Variants in TSPAN15 observed in about 807,000 individuals in gnomAD.
The protein encoded by TSPAN15 is tetraspanin-15.
A neutral mutation model predicts 34.5 loss-of-function variants in TSPAN15; 20 were observed. That is an observed-to-expected ratio of 0.58 (90% CI 0.41 to 0.84). TSPAN15 has a LOEUF of 0.84. Ranked by LOEUF, TSPAN15 falls within the 40% of genes least tolerant of loss-of-function variation. TSPAN15 has a pLI of 0.00. For missense variants in TSPAN15, 313 were observed against 386.1 expected (o/e 0.81, Z 1.59); for synonymous variants, 155 against 153.9 (o/e 1.01, Z -0.05).
At chr10:69,456,760 C>T (rs543478191) in intron 1 of TSPAN15, among the ~76,000 whole-genome samples, 10 of 152,274 alleles carry the variant, frequency 6.6e-5, no homozygotes, top group African/African-American at 9.6e-5. Context: ...TTGATGCAAT[C>T]GGAGGGGTCG....
chr10:69,515,410 A>C, the TSPAN15 span, among the ~76,000 whole-genome samples: 3 of 151,088 alleles, frequency 2.0e-5, no homozygotes, highest in Non-Finnish European at 4.4e-5. Context: ...CTGTCCTCTC[A>C]CAGGAAGATC....
chr10:69,526,132 T>C, the TSPAN15 span, among the ~76,000 whole-genome samples: 1 of 147,230 alleles, frequency 6.8e-6, no homozygotes, highest in African/African-American at 2.5e-5. Flanking sequence ...AGAAGAGATA[T>C]GATATAACCA....
chr10:69,506,342 A>C lies in TSPAN15; in HGVS notation c.735+102A>C. On this transcript the variant is annotated intron_variant, in intron 7 of 7. Transcript: ENST00000373290. The surrounding 1 kb of genome is among the most constrained non-coding windows in gnomAD (Gnocchi z 4.7). ...GAAGAGGCTTTTTTCATAGAAGTCC[A>C]GGACTTGCCTGGGGAGGGCTGCATG... is the stretch of plus-strand genomic sequence containing the variant. 8.7e-7 allele frequency: 1 copy of C among 1,146,522 alleles called. No homozygotes were observed. Among genetic ancestry groups the C allele is most frequent in the East Asian group, 2.4e-5 (1 of 41,372 alleles). 71.0% of individuals were successfully genotyped at this position (1,146,522 alleles called of 1,614,324 possible). A position where few individuals can be genotyped will look rare whatever the true frequency, so the allele number is the denominator to read the frequency against.
intron 1 of TSPAN15, among the ~76,000 whole-genome samples, chr10:69,465,802 G>A (rs1182270446): frequency 6.6e-6 from 1 of 152,206 alleles, no homozygotes; most frequent in Admixed American, 6.5e-5. Context: ...GGGATGGGTG[G>A]TTTGGTCATT....
chr10:69,538,925 A>G, the TSPAN15 span, among the ~76,000 whole-genome samples: 1 of 152,212 alleles, frequency 6.6e-6, no homozygotes, highest in Non-Finnish European at 1.5e-5. Flanking sequence ...AGGACTAGTC[A>G]GAGAGAGTGT....
chr10:69,469,593 T>C (rs1228559223), intron 1 of TSPAN15, among the ~76,000 whole-genome samples: 1 of 152,174 alleles, frequency 6.6e-6, no homozygotes, highest in African/African-American at 2.4e-5. Flanking sequence ...TCCTCCCACC[T>C]TAGCCTCCCA....
rs749636233 is a variant in TSPAN15 at position 69,498,375 on chromosome 10, C to T, written c.549C>T (p.Tyr183=). 2.5e-6 allele frequency: 4 copies of T among 1,613,994 alleles called. No homozygotes were observed. The highest frequency in any genetic ancestry group is 3.4e-6 in the Non-Finnish European group (4 of 1,179,958). The change falls in exon 5 of 8, where the codon TAC becomes TAT. Residue 183 remains tyrosine (Y), a synonymous_variant. Transcript: ENST00000373290. ...APGPLACGVP[Y]TCCIRNTTEV... is the part of the protein sequence containing the mutation. Reference sequence around the variant, plus strand: ...GACCCCTGGCCTGTGGGGTGCCCTACACCTGCTGCATCAGGAACACGGTAG... The same window carrying T: ...GACCCCTGGCCTGTGGGGTGCCCTATACCTGCTGCATCAGGAACACGGTAG...
chr10:69,520,066 C>T, the TSPAN15 span, among the ~76,000 whole-genome samples: 1 of 152,162 alleles, frequency 6.6e-6, no homozygotes, highest in African/African-American at 2.4e-5. Context: ...CAGTCCAGTG[C>T]CATTAAATAT....
chr10:69,495,297 C>T (rs576105071), intron 3 of TSPAN15: 27 of 314,346 alleles, frequency 8.6e-5, no homozygotes, highest in Admixed American at 1.4e-4. Context: ...TCCCCAAGCA[C>T]GGCCCCAGCC....
At chr10:69,467,146 C>A (rs1841401727) in intron 1 of TSPAN15, among the ~76,000 whole-genome samples, 1 of 152,156 alleles carries the variant, frequency 6.6e-6, no homozygotes, top group Non-Finnish European at 1.5e-5. Flanking sequence ...TGACAAGAGA[C>A]CCTCCTTCTC....
chr10:69,463,390 CAG>C lies in TSPAN15; in HGVS notation c.96+11701_96+11702del, dbSNP rs979249835. Among the ~76,000 whole-genome samples the C allele has an allele frequency of 1.2e-4, 18 of 152,228 alleles. 1 individual carries two copies. Among genetic ancestry groups the C allele is most frequent in the African/African-American group, 3.9e-4 (16 of 41,530 alleles). On this transcript the variant is annotated intron_variant, in intron 1 of 7. Coordinates refer to ENST00000373290, the MANE Select transcript of TSPAN15 (RefSeq NM_012339.5). ...TCACAGATGGTGAAAGAGGGCCAGA[CAG>C]GGGAGAGGACCTTGCTTGGGATCAT...
chr10:69,484,733 G>T (rs1348890193), intron 2 of TSPAN15, among the ~76,000 whole-genome samples: 4 of 152,096 alleles, frequency 2.6e-5, no homozygotes, highest in African/African-American at 4.8e-5. Context: ...GATCTGGGAA[G>T]TCACATCTGA....
intron 1 of TSPAN15, among the ~76,000 whole-genome samples, chr10:69,455,573 CTTTTCTTTCTTTCT>C (rs879359625): frequency 0.03 from 3,636 of 123,200 alleles, 151 homozygotes; most frequent in Non-Finnish European, 0.039. Context: ...CTTTCTTTCT[CTTTTCTTTCTTTCT>C]TTCTCTTTCT....
intron 3 of TSPAN15, among the ~76,000 whole-genome samples, chr10:69,488,490 A>T (rs750149847): frequency 6.6e-6 from 1 of 152,234 alleles, no homozygotes; most frequent in Non-Finnish European, 1.5e-5. Flanking sequence ...ACTTATGAAA[A>T]GTCAGAACAA....
chr10:69,518,574 C>T, the TSPAN15 span, among the ~76,000 whole-genome samples: 1 of 152,174 alleles, frequency 6.6e-6, no homozygotes, highest in Admixed American at 6.5e-5. Context: ...CAGGCGCACA[C>T]CACCATGCCC....
At chr10:69,517,230 A>G in the TSPAN15 span, among the ~76,000 whole-genome samples, 3 of 152,126 alleles carry the variant, frequency 2.0e-5, no homozygotes, top group African/African-American at 7.2e-5. Flanking sequence ...CAAAGTCACC[A>G]TGCCAGGGCT....
At chr10:69,515,948 A>G in the TSPAN15 span, among the ~76,000 whole-genome samples, 18,540 of 152,300 alleles carry the variant, frequency 0.12, 1,392 homozygotes, top group Non-Finnish European at 0.16. Context: ...AGAGCAGACC[A>G]CAAGGTGAGG....
intron 1 of TSPAN15, among the ~76,000 whole-genome samples, chr10:69,472,103 T>TCGG (rs1195592014): frequency 2.0e-5 from 3 of 152,136 alleles, no homozygotes; most frequent in Non-Finnish European, 2.9e-5. Context: ...TCAATAGATG[T>TCGG]CATGTGAATA....
chr10:69,496,320 C>CAATAATAATAATAATAAT (rs3028371), intron 4 of TSPAN15, among the ~76,000 whole-genome samples: 9 of 132,504 alleles, frequency 6.8e-5, no homozygotes, highest in African/African-American at 2.0e-4. Flanking sequence ...TCTGTTGGTG[C>CAATAATAATAATAATAAT]AATAATAATA....
Sources: gnomAD v4.1 joint callset for allele counts (sites outside exome capture counted in the v4.1 genomes callset) on GRCh38, gnomAD v4.1.1 for gene constraint, Gnocchi (gnomAD v3.1) non-coding constraint, MANE v1.5 for transcripts, NCBI Gene and HGNC (gene_info 2026-07-23, HGNC 2026-07-21) for gene names.